The following RALGPS1 variants were observed in gnomAD, a reference collection of about 807,000 sequenced individuals.
The protein encoded by RALGPS1 is ras-specific guanine nucleotide-releasing factor RalGPS1.
RALGPS1 carries 19 observed loss-of-function variants against 78.8 expected under a neutral mutation model. That is an observed-to-expected ratio of 0.24 (90% CI 0.17 to 0.35). The LOEUF is 0.35. Among genes scored for constraint, RALGPS1 ranks in the 10% least tolerant of loss-of-function variants. RALGPS1 has a pLI of 1.00. For synonymous variants in RALGPS1, 228 were observed against 256.3 expected (o/e 0.89, Z 1.06); for missense variants, 454 against 688.3 (o/e 0.66, Z 3.81).
intron 4 of RALGPS1, among the ~76,000 whole-genome samples, chr9:126,991,281 G>A (rs7865297): frequency 0.58 from 88,939 of 152,062 alleles, 30,150 homozygotes; most frequent in East Asian, 0.81. Flanking sequence ...GCAGGATAAG[G>A]CCTGCCTGAA....
At chr9:127,137,520 C>T (rs761036133) in intron 8 of RALGPS1, among the ~76,000 whole-genome samples, 12 of 152,258 alleles carry the variant, frequency 7.9e-5, no homozygotes, top group Non-Finnish European at 1.3e-4. Context: ...CTACCCCCAA[C>T]TCCACCCTGC....
chr9:127,057,802 G>A (rs967896525), intron 7 of RALGPS1, among the ~76,000 whole-genome samples: 2 of 152,188 alleles, frequency 1.3e-5, no homozygotes, highest in Non-Finnish European at 2.9e-5. Flanking sequence ...TGTCCTCATG[G>A]GCTTTCATGT....
intron 1 of RALGPS1, among the ~76,000 whole-genome samples, chr9:126,920,438 A>G (rs2119602233): frequency 6.6e-6 from 1 of 152,300 alleles, no homozygotes; most frequent in East Asian, 1.9e-4. Context: ...AAGATGAGGA[A>G]GCAGAAAAAT....
intron 4 of RALGPS1, among the ~76,000 whole-genome samples, chr9:127,007,894 C>G (rs1319600961): frequency 6.6e-6 from 1 of 152,110 alleles, no homozygotes; most frequent in African/African-American, 2.4e-5. Flanking sequence ...AAGGATTGCT[C>G]TGGCTGCTCT....
intron 4 of RALGPS1, among the ~76,000 whole-genome samples, chr9:126,996,310 A>G (rs1306129305): frequency 1.3e-5 from 2 of 152,210 alleles, no homozygotes; most frequent in African/African-American, 4.8e-5. Flanking sequence ...AAGAAAAGAG[A>G]GAAGAATCAA....
chr9:127,002,792 C>T lies in RALGPS1; in HGVS notation c.216+25047C>T, dbSNP rs185131815. On this transcript the variant is annotated intron_variant, in intron 4 of 18. Transcript: ENST00000259351. ...GACATGAACTCATCATTTTTTATGACTGCATAGTATTCCATGGTGTATATG... is the reference window on the plus strand; with the variant it reads ...GACATGAACTCATCATTTTTTATGATTGCATAGTATTCCATGGTGTATATG... Among the ~76,000 whole-genome samples, 1,211 of 152,128 alleles carry T rather than the reference C, an allele frequency of 8.0e-3. 24 individuals are homozygous for T. The highest frequency in any genetic ancestry group is 0.028 in the African/African-American group (1,144 of 41,478).
intron 8 of RALGPS1, among the ~76,000 whole-genome samples, chr9:127,148,246 C>G (rs1280332142): frequency 6.6e-6 from 1 of 152,234 alleles, no homozygotes; most frequent in Non-Finnish European, 1.5e-5. Context: ...CGGCTGGCCT[C>G]CCAAGCTGTG....
intron 8 of RALGPS1, among the ~76,000 whole-genome samples, chr9:127,153,046 GT>G (rs1214081414): frequency 6.6e-6 from 1 of 152,180 alleles, no homozygotes; most frequent in African/African-American, 2.4e-5. Context: ...GATCCCTCAG[GT>G]TTTCGTAGTT....
intron 8 of RALGPS1, among the ~76,000 whole-genome samples, chr9:127,082,266 T>C (rs2051252374): frequency 6.6e-6 from 1 of 152,210 alleles, no homozygotes; most frequent in Non-Finnish European, 1.5e-5. Context: ...CTGTAAGCTG[T>C]AGGACAGTTG....
intron 3 of RALGPS1, among the ~76,000 whole-genome samples, chr9:126,973,369 C>G (rs1234699748): frequency 6.6e-6 from 1 of 152,062 alleles, no homozygotes; most frequent in Non-Finnish European, 1.5e-5. Flanking sequence ...GACACTCTCT[C>G]TAAAATAGGT....
At chr9:127,044,184 A>G (rs940255414) in intron 5 of RALGPS1, among the ~76,000 whole-genome samples, 4 of 152,254 alleles carry the variant, frequency 2.6e-5, no homozygotes, top group Admixed American at 1.3e-4. Context: ...TGGTAAATCC[A>G]TACAGTGGAA....
chr9:127,068,509 A>G (rs1352863961), intron 7 of RALGPS1, among the ~76,000 whole-genome samples: 2 of 152,216 alleles, frequency 1.3e-5, no homozygotes, highest in African/African-American at 4.8e-5. Flanking sequence ...GACATCATGT[A>G]GAACAGTGGG....
intron 8 of RALGPS1, among the ~76,000 whole-genome samples, chr9:127,126,926 C>A (rs1378985015): frequency 1.3e-5 from 2 of 152,148 alleles, no homozygotes; most frequent in Admixed American, 1.3e-4. Context: ...GTATACTGGA[C>A]ATTGTGGATG....
At chr9:127,185,682 C>G (rs1028867842) in intron 11 of RALGPS1, among the ~76,000 whole-genome samples, 1 of 152,130 alleles carries the variant, frequency 6.6e-6, no homozygotes, top group African/African-American at 2.4e-5. Context: ...TAGTTGTTGC[C>G]TTTACCGTAT....
chr9:127,119,661 A>T (rs2055836389), intron 8 of RALGPS1, among the ~76,000 whole-genome samples: 2 of 152,148 alleles, frequency 1.3e-5, no homozygotes, highest in African/African-American at 4.8e-5. Flanking sequence ...TTCCTAAATC[A>T]CTGGGGGATG....
At chr9:127,160,902 C>G (rs1334410969) in intron 8 of RALGPS1, among the ~76,000 whole-genome samples, 1 of 152,218 alleles carries the variant, frequency 6.6e-6, no homozygotes, top group Non-Finnish European at 1.5e-5. Context: ...TGCTAAGGTG[C>G]CATGGTAAAC....
At chr9:127,130,326 A>G (rs999669881) in intron 8 of RALGPS1, among the ~76,000 whole-genome samples, 19 of 152,254 alleles carry the variant, frequency 1.2e-4, no homozygotes, top group Non-Finnish European at 2.9e-5. Context: ...GCAGGTGCTC[A>G]GTAAATGCTG....
At chr9:127,072,879 A>G (rs1396399896) in intron 8 of RALGPS1, among the ~76,000 whole-genome samples, 3 of 152,132 alleles carry the variant, frequency 2.0e-5, no homozygotes, top group Admixed American at 6.5e-5. Context: ...TTTTACTTCT[A>G]TTGTCTGATA....
At chr9:126,956,923 T>G (rs1415450604) in intron 1 of RALGPS1, among the ~76,000 whole-genome samples, 3 of 152,202 alleles carry the variant, frequency 2.0e-5, no homozygotes, top group Non-Finnish European at 4.4e-5. Flanking sequence ...CCCGGACTCT[T>G]GCAAGAGGCA....
Sources: gnomAD v4.1 joint callset for allele counts (sites outside exome capture counted in the v4.1 genomes callset) on GRCh38, gnomAD v4.1.1 for gene constraint, MANE v1.5 for transcripts, NCBI Gene and HGNC (gene_info 2026-07-23, HGNC 2026-07-21) for gene names.